Variants in KHDRBS2 observed in about 807,000 individuals in gnomAD.
The protein encoded by KHDRBS2 is KH domain-containing, RNA-binding, signal transduction-associated protein 2.
A neutral mutation model predicts 44.3 loss-of-function variants in KHDRBS2; 26 were observed. That is an observed-to-expected ratio of 0.59 (90% CI 0.43 to 0.81). The LOEUF is 0.81. Among genes scored for constraint, KHDRBS2 ranks in the 40% least tolerant of loss-of-function variants. The pLI is 0.00. For synonymous variants in KHDRBS2, 194 were observed against 151.1 expected (o/e 1.28, Z -2.08); for missense variants, 476 against 433.1 (o/e 1.10, Z -0.88).
intron 3 of KHDRBS2, among the ~76,000 whole-genome samples, chr6:62,009,577 C>T (rs1186180217): frequency 6.6e-6 from 1 of 152,162 alleles, no homozygotes; most frequent in Non-Finnish European, 1.5e-5. Flanking sequence ...GGCAGCCGCT[C>T]CCATCACAGG....
chr6:61,809,878 C>T (rs1787821188), intron 6 of KHDRBS2, among the ~76,000 whole-genome samples: 2 of 152,102 alleles, frequency 1.3e-5, no homozygotes, highest in Non-Finnish European at 2.9e-5. Context: ...TTAGTTTCAT[C>T]ATTGTGAAGA....
intron 2 of KHDRBS2, among the ~76,000 whole-genome samples, chr6:62,064,887 C>T (rs560421350): frequency 5.3e-5 from 8 of 149,914 alleles, no homozygotes; most frequent in Admixed American, 2.0e-4. Flanking sequence ...ACTCATCTGA[C>T]AAAGGGCTAA....
intron 6 of KHDRBS2, among the ~76,000 whole-genome samples, chr6:61,825,757 G>T (rs1790756558): frequency 6.6e-6 from 1 of 152,074 alleles, no homozygotes; most frequent in African/African-American, 2.4e-5. Context: ...ACCATCTGTT[G>T]TCTATGTGGG....
At chr6:61,868,915 G>C (rs1306821072) in intron 6 of KHDRBS2, among the ~76,000 whole-genome samples, 1 of 152,164 alleles carries the variant, frequency 6.6e-6, no homozygotes, top group Non-Finnish European at 1.5e-5. Flanking sequence ...TTGCTGAGCC[G>C]CTGCTCTGCT....
At chr6:61,857,098 T>C (rs1268706222) in intron 6 of KHDRBS2, among the ~76,000 whole-genome samples, 1 of 152,060 alleles carries the variant, frequency 6.6e-6, no homozygotes, top group African/African-American at 2.4e-5. Flanking sequence ...CCAGTAATGA[T>C]AATAGTGCCA....
chr6:61,868,616 G>T lies in KHDRBS2; in HGVS notation c.810+26019C>A, dbSNP rs369745346. Among the ~76,000 whole-genome samples, 126 of 152,278 alleles carry T rather than the reference G, an allele frequency of 8.3e-4. 1 individual carries two copies. The highest frequency in any genetic ancestry group is 2.9e-3 in the African/African-American group (122 of 41,572). ...CATTTTGGTAAAGCAGCTGCACTTT[G>T]CTGGGGGCAGGGGTCGGGGGAAGGT... On this transcript the variant is annotated intron_variant, in intron 6 of 8. Transcript: ENST00000281156.
At chr6:61,942,234 T>C (rs1812276656) in intron 4 of KHDRBS2, among the ~76,000 whole-genome samples, 1 of 152,096 alleles carries the variant, frequency 6.6e-6, no homozygotes, top group African/African-American at 2.4e-5. Flanking sequence ...GTGCTGATAA[T>C]ATAGGTGTGA....
At chr6:62,084,844 T>A (rs191257809) in intron 2 of KHDRBS2, among the ~76,000 whole-genome samples, 18 of 152,222 alleles carry the variant, frequency 1.2e-4, no homozygotes, top group Non-Finnish European at 2.4e-4. Context: ...ATTACAGAAA[T>A]ACGATTTTCA....
At chr6:62,205,654 G>A (rs1229673699) in intron 1 of KHDRBS2, among the ~76,000 whole-genome samples, 1 of 152,094 alleles carries the variant, frequency 6.6e-6, no homozygotes, top group Non-Finnish European at 1.5e-5. Flanking sequence ...AAAGAGTAGA[G>A]ATGCAGGGTG....
chr6:61,559,030 T>G, the KHDRBS2 span, among the ~76,000 whole-genome samples: 2 of 152,174 alleles, frequency 1.3e-5, no homozygotes, highest in Admixed American at 6.5e-5. Flanking sequence ...TCTCCAGTTC[T>G]TTTTATGATG....
chr6:61,942,218 C>T (rs1812273997), intron 4 of KHDRBS2, among the ~76,000 whole-genome samples: 1 of 152,050 alleles, frequency 6.6e-6, no homozygotes, highest in Non-Finnish European at 1.5e-5. Context: ...GCCTCAGGCT[C>T]CCAAAGTGCT....
At chr6:61,801,906 G>A (rs1324052800) in intron 6 of KHDRBS2, among the ~76,000 whole-genome samples, 2 of 152,142 alleles carry the variant, frequency 1.3e-5, no homozygotes, top group Non-Finnish European at 2.9e-5. Context: ...TTGACCTTAA[G>A]ATAGAGGATT....
chr6:61,581,610 T>C, the KHDRBS2 span, among the ~76,000 whole-genome samples: 20 of 147,836 alleles, frequency 1.4e-4, no homozygotes, highest in African/African-American at 4.4e-4. Context: ...TACAATATAA[T>C]ATATAATATA....
chr6:61,565,933 C>T, the KHDRBS2 span, among the ~76,000 whole-genome samples: 1 of 151,816 alleles, frequency 6.6e-6, no homozygotes, highest in Non-Finnish European at 1.5e-5. Flanking sequence ...CAGCACTATA[C>T]ACAATAGCTA....
At chr6:61,969,141 A>C (rs10484622) in intron 4 of KHDRBS2, among the ~76,000 whole-genome samples, 32,602 of 151,898 alleles carry the variant, frequency 0.21, 3,745 homozygotes, top group Admixed American at 0.31. Flanking sequence ...GGCTTAATGC[A>C]AGGGTAGCAA....
At chr6:62,103,625 G>T (rs145508775) in intron 2 of KHDRBS2, among the ~76,000 whole-genome samples, 1 of 146,898 alleles carries the variant, frequency 6.8e-6, no homozygotes, top group South Asian at 2.1e-4. Flanking sequence ...GCCCAGGAGC[G>T]CAGGCTTCCA....
the KHDRBS2 span, among the ~76,000 whole-genome samples, chr6:61,557,193 G>A: frequency 6.6e-6 from 1 of 152,014 alleles, no homozygotes; most frequent in South Asian, 2.1e-4. Context: ...TTTTAGAATA[G>A]GAGCATAATA....
the KHDRBS2 span, among the ~76,000 whole-genome samples, chr6:61,584,596 TA>T: frequency 1.5e-4 from 23 of 151,994 alleles, no homozygotes; most frequent in African/African-American, 5.5e-4. Flanking sequence ...TTGCTATTTT[TA>T]AGGATTTAGG....
intron 2 of KHDRBS2, among the ~76,000 whole-genome samples, chr6:62,081,207 A>T (rs1233960434): frequency 6.6e-6 from 1 of 152,168 alleles, no homozygotes; most frequent in Non-Finnish European, 1.5e-5. Flanking sequence ...TGAAAATGTC[A>T]CATTTATACA....
Sources: allele counts gnomAD v4.1 joint callset (sites outside exome capture counted in the v4.1 genomes callset), GRCh38; gene constraint gnomAD v4.1.1; transcripts MANE v1.5; gene names NCBI Gene and HGNC (gene_info 2026-07-23, HGNC 2026-07-21).